The following SGSM1 variants were observed in gnomAD, a reference collection of about 807,000 sequenced individuals.
SGSM1 encodes small G protein signaling modulator 1.
A neutral mutation model predicts 133.8 loss-of-function variants in SGSM1; 73 were observed. The observed-to-expected ratio is 0.55, with a 90% confidence interval of 0.45 to 0.66. The LOEUF is 0.66. Ranked by LOEUF, SGSM1 falls within the 30% of genes least tolerant of loss-of-function variation. The probability of loss-of-function intolerance (pLI) is 0.00; values close to 1 mark genes in which losing one functional copy is unlikely to be tolerated. For missense variants in SGSM1, 1,213 were observed against 1,448.1 expected, an observed-to-expected ratio of 0.84 and a Z score of 2.64; for synonymous variants, 563 against 573.0, an observed-to-expected ratio of 0.98 and a Z score of 0.25.
chr22:24,811,384 T>TAAAAAC (rs1235663853), intron 2 of SGSM1, among the ~76,000 whole-genome samples: 3 of 152,208 alleles, frequency 2.0e-5, no homozygotes, highest in Admixed American at 6.5e-5. Context: ...CAACTCATTC[T>TAAAAAC]TACTGCTTTT....
chr22:24,831,791 C>T (rs1052977206), intron 2 of SGSM1, among the ~76,000 whole-genome samples: 3 of 152,338 alleles, frequency 2.0e-5, no homozygotes, highest in Non-Finnish European at 2.9e-5. Flanking sequence ...TCAACCAGGC[C>T]GTCCTGTAAT....
Position 24,893,589 on chromosome 22 carries a change from C to A in SGSM1, c.1929C>A (p.His643Gln), listed in dbSNP as rs1355520114. 1 of 1,584,044 alleles carries A rather than the reference C, an allele frequency of 6.3e-7. No individual in the cohort carries two copies. The highest frequency in any genetic ancestry group is 1.8e-5 in the Admixed American group (1 of 56,698). The change falls in exon 17 of 25, where the codon CAC (histidine) becomes CAA (glutamine). Residue 643 changes from histidine (H) to glutamine (Q), a missense_variant. His to Gln is a conservative substitution (Grantham distance 24). Transcript: ENST00000400358. ...SLDSHLHRML[H>Q]RDSTISNESS... ...ACAGCCACCTGCACCGGATGTTGCACAGGGACTCAACCATCAGCAATGAGG... is the reference window on the plus strand; with the variant it reads ...ACAGCCACCTGCACCGGATGTTGCAAAGGGACTCAACCATCAGCAATGAGG...
intron 5 of SGSM1, among the ~76,000 whole-genome samples, chr22:24,851,437 G>T (rs1361642817): frequency 1.0e-5 from 1 of 97,032 alleles, no homozygotes; most frequent in African/African-American, 4.6e-5. Context: ...AGGAAGGGAG[G>T]GGGGGGTGGG....
chr22:24,828,758 T>C (rs1302548650), intron 2 of SGSM1, among the ~76,000 whole-genome samples: 3 of 152,230 alleles, frequency 2.0e-5, no homozygotes, highest in Non-Finnish European at 4.4e-5. Flanking sequence ...CATTCTGTTA[T>C]AAAGACATAT....
In SGSM1 at chr22:24,903,424, G is replaced by A. The variant is rs1933237149; in HGVS notation, c.2735+1467G>A. Reference sequence around the variant, plus strand: ...GGGTTTCACCATGTTGCCCAGGCTGGTCTTGAACTCCTGAGCTCAGGCAAT... The same window carrying A: ...GGGTTTCACCATGTTGCCCAGGCTGATCTTGAACTCCTGAGCTCAGGCAAT... On this transcript the variant is annotated intron_variant, in intron 20 of 24. Coordinates refer to ENST00000400358, the MANE Select transcript of SGSM1 (RefSeq NM_001098497.3). 2.0e-5 allele frequency among the ~76,000 whole-genome samples: 3 copies of A among 151,992 alleles called. No homozygotes were observed. The South Asian group carries it at 6.2e-4, about 32-fold the overall frequency.
At chr22:24,818,160 A>G (rs1433756670) in intron 2 of SGSM1, among the ~76,000 whole-genome samples, 3 of 151,074 alleles carry the variant, frequency 2.0e-5, no homozygotes, top group Non-Finnish European at 2.9e-5. Context: ...TCAACCCAGG[A>G]GGCAGAGGTA....
In SGSM1 at chr22:24,898,571, G is replaced by T; in HGVS notation, c.2610+12G>T. 6.3e-7 allele frequency: 1 copy of T among 1,579,948 alleles called. No homozygotes were observed. The highest frequency in any genetic ancestry group is 1.2e-5 in the South Asian group (1 of 85,656). On this transcript the variant is annotated intron_variant, in intron 19 of 24. Coordinates refer to ENST00000400358, the MANE Select transcript of SGSM1 (RefSeq NM_001098497.3). ...GCGTCACCTACTCTGTAAGTCACCA[G>T]GACCCTCCGTTCCATTTCCTTCTTT...
intron 21 of SGSM1, among the ~76,000 whole-genome samples, chr22:24,910,349 A>T (rs1164415881): frequency 6.6e-6 from 1 of 152,170 alleles, no homozygotes; most frequent in Non-Finnish European, 1.5e-5. Context: ...TGAGAATCTC[A>T]ATAAACCTGT....
intron 21 of SGSM1, among the ~76,000 whole-genome samples, chr22:24,908,941 G>A (rs1357144809): frequency 4.6e-5 from 7 of 152,186 alleles, no homozygotes; most frequent in African/African-American, 1.4e-4. Flanking sequence ...TCTACATCGG[G>A]GCCCCAAGCC....
rs1302956459 is a variant in SGSM1 at position 24,905,109 on chromosome 22, A to C, written c.2740A>C (p.Ile914Leu). ...GGCCCCTTGTGTCTCTTCTAGCTAC[A>C]TCTGGCAGCACATTGAGATCGGCTA... Reference protein sequence around the residue: ...EKLRNIMCSYIWQHIEIGYVQ... With the variant: ...EKLRNIMCSYLWQHIEIGYVQ... Residue 914 changes from isoleucine to leucine, a missense_variant, in exon 21 of 25, where the codon ATC becomes CTC. Transcript: ENST00000400358. The C allele has an allele frequency of 1.2e-6, 2 of 1,613,852 alleles. No individual in the cohort carries two copies. Among genetic ancestry groups the C allele is most frequent in the Non-Finnish European group, 1.7e-6 (2 of 1,179,876 alleles).
At chr22:24,807,572 C>T (rs929552340) in intron 2 of SGSM1, among the ~76,000 whole-genome samples, 1 of 151,956 alleles carries the variant, frequency 6.6e-6, no homozygotes, top group African/African-American at 2.4e-5. Flanking sequence ...GTGTGTTGCC[C>T]TCCCCATTCT....
Position 24,806,241 on chromosome 22 carries a change from T to C in SGSM1, c.-85T>C, listed in dbSNP as rs919210456. On this transcript the variant is annotated 5_prime_UTR_variant, in exon 1 of 25. Coordinates refer to ENST00000400358, the MANE Select transcript of SGSM1 (RefSeq NM_001098497.3). Reference sequence around the variant, plus strand: ...GCGCTCGGCCCCGCCCCGCCGCGGCTGCAGCAGCAGCGCCGCGGCCGGAGG... The same window carrying C: ...GCGCTCGGCCCCGCCCCGCCGCGGCCGCAGCAGCAGCGCCGCGGCCGGAGG... The C allele has an allele frequency of 6.9e-6, 9 of 1,303,206 alleles. No homozygotes were observed. The highest frequency in any genetic ancestry group is 8.7e-6 in the Non-Finnish European group (9 of 1,031,284). The allele number at this position is 1,303,206 out of a possible 1,614,324, so 80.7% of individuals were successfully genotyped here.
chr22:24,868,879 CG>C (rs758756108), intron 12 of SGSM1, 24 bp downstream of exon 12: 3 of 1,610,478 alleles, frequency 1.9e-6, no homozygotes, highest in African/African-American at 2.7e-5. Context: ...TCCCGGGCCC[CG>C]GGGAGTCACC....
intron 2 of SGSM1, among the ~76,000 whole-genome samples, chr22:24,839,958 G>A (rs1006367476): frequency 2.2e-5 from 2 of 91,148 alleles, no homozygotes; most frequent in African/African-American, 8.7e-5. Context: ...TTTTTGAGAT[G>A]ATATCTTGCT....
At chr22:24,823,689 T>C (rs2147798356) in intron 2 of SGSM1, among the ~76,000 whole-genome samples, 1 of 152,048 alleles carries the variant, frequency 6.6e-6, no homozygotes, top group Non-Finnish European at 1.5e-5. Flanking sequence ...TCCCAGCACT[T>C]TGGGAGGCCA....
At chr22:24,880,120 T>G (rs928617137) in intron 14 of SGSM1, among the ~76,000 whole-genome samples, 6 of 151,934 alleles carry the variant, frequency 3.9e-5, no homozygotes, top group African/African-American at 1.4e-4. Flanking sequence ...TCCAAAAGCT[T>G]TGTGTTTTCC....
In SGSM1 at chr22:24,864,562, G is replaced by A. The variant is rs75975800; in HGVS notation, c.927-2531G>A. ...CTCAAAAGCCTTATACCACACAAAA[G>A]AAGCCAGCCACGAAGGGTGCATGTT... is the stretch of plus-strand genomic sequence containing the variant. On this transcript the variant is annotated intron_variant, in intron 9 of 24. Transcript: ENST00000400358. Among the ~76,000 whole-genome samples the A allele has an allele frequency of 2.7e-3, 406 of 152,310 alleles. 1 individual carries two copies. The highest frequency in any genetic ancestry group is 8.8e-3 in the African/African-American group (364 of 41,566).
chr22:24,847,610 C>A, intron 3 of SGSM1, 24 bp from the exon 4 acceptor site: 1 of 1,609,742 alleles, frequency 6.2e-7, no homozygotes, highest in South Asian at 1.1e-5. Flanking sequence ...AGGGCAGGGT[C>A]TGCTGACTGC....
chr22:24,830,709 G>A lies in SGSM1; in HGVS notation c.64-14188G>A, dbSNP rs185992019. ...TTACCAGAAGGAAGCTTTTCCTTTC[G>A]CTTGAACTCTAATGAACTTTGAGCG... is the stretch of plus-strand genomic sequence containing the variant. On this transcript the variant is annotated intron_variant, in intron 2 of 24. Coordinates refer to ENST00000400358, the MANE Select transcript of SGSM1 (RefSeq NM_001098497.3). Among the ~76,000 whole-genome samples, 4 of 152,338 alleles carry A rather than the reference G, an allele frequency of 2.6e-5. 1 individual carries two copies. The highest frequency in any genetic ancestry group is 6.5e-5 in the Admixed American group (1 of 15,300).
Sources: allele counts gnomAD v4.1 joint callset (sites outside exome capture counted in the v4.1 genomes callset), GRCh38; gene constraint gnomAD v4.1.1; transcripts MANE v1.5; gene names NCBI Gene and HGNC (gene_info 2026-07-23, HGNC 2026-07-21).